Variants in COG4 observed in about 807,000 individuals in gnomAD.
COG4 encodes conserved oligomeric Golgi complex subunit 4.
A neutral mutation model predicts 95.1 loss-of-function variants in COG4; 65 were observed. The ratio of observed to expected loss-of-function variants is 0.68; its 90% CI spans 0.56 to 0.84. The LOEUF (loss-of-function observed/expected upper bound fraction) is 0.84, where lower values mean the gene tolerates loss of function less well. Among genes scored for constraint, COG4 ranks in the 40% least tolerant of loss-of-function variants. COG4 has a pLI of 0.00. For missense variants in COG4, 1,045 were observed against 989.1 expected, an observed-to-expected ratio of 1.06 and a Z score of -0.76; for synonymous variants, 421 against 374.8, an observed-to-expected ratio of 1.12 and a Z score of -1.42.
At chr16:70,493,418 T>C (rs1238941255) in intron 12 of COG4, among the ~76,000 whole-genome samples, 2 of 152,126 alleles carry the variant, frequency 1.3e-5, no homozygotes, top group Non-Finnish European at 2.9e-5. Context: ...ATTTTTAATT[T>C]AAATGTAAAT....
In COG4 at chr16:70,482,135, T is replaced by G. The variant is rs533517454; in HGVS notation, c.1961A>C (p.Gln654Pro). 1 of 1,614,118 alleles carries G rather than the reference T, an allele frequency of 6.2e-7. No homozygotes were observed. The highest frequency in any genetic ancestry group is 2.2e-5 in the East Asian group (1 of 44,888). ...CTGCTCCAGGTTAAGGATGAACTGTTGTACCCAAGGGTCGTTGGCCTCATA... is the reference window on the plus strand; with the variant it reads ...CTGCTCCAGGTTAAGGATGAACTGTGGTACCCAAGGGTCGTTGGCCTCATA... ...NDYEANDPWV[Q>P]QFILNLEQQM... Residue 654 changes from glutamine to proline, a missense_variant, in exon 16 of 19, where the codon CAA becomes CCA. Transcript: ENST00000323786.
At chr16:70,499,760 C>T (rs951174466) in intron 9 of COG4, among the ~76,000 whole-genome samples, 39 of 151,952 alleles carry the variant, frequency 2.6e-4, no homozygotes, top group African/African-American at 7.7e-4. Context: ...CCCGGGTTCA[C>T]GCCATTCTCC....
At chr16:70,497,415 G>A (rs201365924) in intron 10 of COG4, 28 bp from the exon 11 acceptor site, 3 of 1,608,846 alleles carry the variant, frequency 1.9e-6, no homozygotes, top group East Asian at 2.2e-5. Flanking sequence ...CCAACACTGA[G>A]GGTCCCAGTT....
chr16:70,504,591 A>G (rs1442385354), intron 8 of COG4, among the ~76,000 whole-genome samples: 5 of 134,882 alleles, frequency 3.7e-5, no homozygotes, highest in African/African-American at 1.5e-4. Context: ...TGGGTGACGG[A>G]GTGAGTGAGA....
intron 7 of COG4, 94 bp downstream of exon 7, chr16:70,509,136 CT>C (rs1241923338): frequency 4.1e-5 from 61 of 1,500,552 alleles, no homozygotes; most frequent in Non-Finnish European, 4.8e-5. Flanking sequence ...CTGTCTGCAC[CT>C]TTTTTTTCAC....
intron 11 of COG4, 101 bp from the exon 12 acceptor site, chr16:70,496,532 CT>C: frequency 1.7e-6 from 2 of 1,202,956 alleles, no homozygotes; most frequent in Non-Finnish European, 2.4e-6. Context: ...ACAAGGTGCT[CT>C]TTTAGGGGGA....
At chr16:70,519,985 T>C (rs1170827812) in intron 1 of COG4, among the ~76,000 whole-genome samples, 1 of 152,198 alleles carries the variant, frequency 6.6e-6, no homozygotes, top group East Asian at 1.9e-4. Flanking sequence ...ATCATTAGCA[T>C]AGTGCCTAAT....
Position 70,519,660 on chromosome 16 carries a change from G to A in COG4, c.243C>T (p.Leu81=). Residue 81 remains leucine, a synonymous_variant, in exon 2 of 19, where the codon CTC becomes CTT. Transcript: ENST00000323786. ...ATGCACAGACTCACCCCATTCGGTG[G>A]AGAGTGACCATCTTACTTTCAATGG... The part of the protein sequence containing the change: ...QNTIESKMVT[L]HRMGPNLQLI... The A allele has an allele frequency of 6.2e-7, 1 of 1,612,956 alleles. No individual in the cohort carries two copies. The highest frequency in any genetic ancestry group is 8.5e-7 in the Non-Finnish European group (1 of 1,179,050).
chr16:70,485,344 C>T (rs1428452241), intron 13 of COG4, among the ~76,000 whole-genome samples: 1 of 151,772 alleles, frequency 6.6e-6, no homozygotes, highest in Non-Finnish European at 1.5e-5. Flanking sequence ...GCTGGGACTA[C>T]AGGCGCCTGC....
intron 9 of COG4, among the ~76,000 whole-genome samples, chr16:70,500,746 T>G (rs1260761915): frequency 6.6e-6 from 1 of 152,170 alleles, no homozygotes; most frequent in Non-Finnish European, 1.5e-5. Flanking sequence ...ACCAGTGTCC[T>G]CATCTGTAAA....
chr16:70,483,771 T>G, intron 14 of COG4, 82 bp downstream of exon 14: 1 of 1,120,178 alleles, frequency 8.9e-7, no homozygotes, highest in Non-Finnish European at 1.4e-6. Context: ...CTGGCTTCCT[T>G]GCACACGATG....
intron 12 of COG4, among the ~76,000 whole-genome samples, chr16:70,493,341 A>G (rs1481549487): frequency 2.0e-5 from 3 of 151,968 alleles, no homozygotes; most frequent in Admixed American, 6.6e-5. Context: ...ACTGTCTGGT[A>G]TGGTAGCCCT....
intron 14 of COG4, among the ~76,000 whole-genome samples, chr16:70,483,474 A>G (rs1362478193): frequency 6.6e-6 from 1 of 151,796 alleles, no homozygotes; most frequent in African/African-American, 2.4e-5. Context: ...GTCCAGGGTA[A>G]CGATGAGGCC....
intron 14 of COG4, 59 bp downstream of exon 14, chr16:70,483,794 A>G (rs2049064739): frequency 9.1e-6 from 12 of 1,323,626 alleles, no homozygotes; most frequent in African/African-American, 1.4e-5. Flanking sequence ...CCAGCTAACA[A>G]TCTTCTCAGA....
In COG4 at chr16:70,482,832, A is replaced by G; in HGVS notation, c.1828-11T>C. On this transcript the variant is annotated splice_polypyrimidine_tract_variant and intron_variant, in intron 14 of 18. Transcript: ENST00000323786. ...CTCCGTCAGCCCTTCCTGCACAAGG[A>G]CAAGGTGGAGACATGTGACACAGAA... 1 of 1,611,098 alleles carries G rather than the reference A, an allele frequency of 6.2e-7. No individual in the cohort carries two copies. Among genetic ancestry groups the G allele is most frequent in the East Asian group, 2.2e-5 (1 of 44,856 alleles).
At chr16:70,520,237 C>T (rs1415710782) in intron 1 of COG4, among the ~76,000 whole-genome samples, 1 of 152,072 alleles carries the variant, frequency 6.6e-6, no homozygotes, top group Non-Finnish European at 1.5e-5. Context: ...AGATCGAAAC[C>T]ATCCTGGATA....
intron 16 of COG4, 112 bp downstream of exon 16, chr16:70,481,980 G>A (rs1361715739): frequency 1.5e-6 from 2 of 1,324,460 alleles, no homozygotes; most frequent in Admixed American, 1.8e-5. Context: ...CTACAGGTGA[G>A]GGTTGGAAGG....
At chr16:70,483,654 G>C (rs993796015) in intron 14 of COG4, among the ~76,000 whole-genome samples, 199 bp downstream of exon 14, 17 of 152,292 alleles carry the variant, frequency 1.1e-4, no homozygotes, top group Non-Finnish European at 1.5e-4. Context: ...ATGTTGGCTT[G>C]TCAGTGTGAC....
rs1249789100 is a variant in COG4 at position 70,523,471 on chromosome 16, C to A, written c.73G>T (p.Gly25Ter). ...GAGATTTCGGAGCAGCGGCCACCTC[C>A]CACCCCCTCAGACGGCTGCTGCACC... is the stretch of plus-strand genomic sequence containing the variant. ...SGVQQPSEGV[G>*]GGRCSEISAE... is the part of the protein sequence containing the mutation. The change falls in exon 1 of 19, where the codon GGA becomes TGA. Residue 25 changes from glycine to a stop codon, truncating the protein, a stop_gained. Transcript: ENST00000323786. LOFTEE classifies it high-confidence loss of function. The A allele has an allele frequency of 1.2e-6, 2 of 1,614,106 alleles. No homozygotes were observed. The highest frequency in any genetic ancestry group is 1.7e-6 in the Non-Finnish European group (2 of 1,180,016).
Sources: allele counts gnomAD v4.1 joint callset (sites outside exome capture counted in the v4.1 genomes callset), GRCh38; gene constraint gnomAD v4.1.1; transcripts MANE v1.5; gene names NCBI Gene and HGNC (gene_info 2026-07-23, HGNC 2026-07-21).